The following XKR6 variants were observed in gnomAD, a reference collection of about 807,000 sequenced individuals.
The protein encoded by XKR6 is XK related 6, also known as XK-related protein 6.
In XKR6, 22 loss-of-function variants were observed where a neutral mutation model predicts 56.7. That is an observed-to-expected ratio of 0.39 (90% CI 0.28 to 0.55). The LOEUF (loss-of-function observed/expected upper bound fraction) is 0.55, where lower values mean the gene tolerates loss of function less well. XKR6 is among the 20% of genes least tolerant of loss of function. XKR6 has a pLI of 0.66. For synonymous variants in XKR6, 524 were observed against 387.8 expected (o/e 1.35, Z -4.13); for missense variants, 852 against 889.0 (o/e 0.96, Z 0.53).
chr8:11,015,249 T>A (rs1798592525), intron 1 of XKR6, among the ~76,000 whole-genome samples: 1 of 152,132 alleles, frequency 6.6e-6, no homozygotes, highest in Non-Finnish European at 1.5e-5. Flanking sequence ...TTCAACTTCC[T>A]TAGCATTGCT....
At chr8:11,187,193 A>C (rs1803318539) in intron 1 of XKR6, among the ~76,000 whole-genome samples, 2 of 152,230 alleles carry the variant, frequency 1.3e-5, no homozygotes, top group Admixed American at 1.3e-4. Context: ...CTGCATCAAG[A>C]AATTATAGCA....
rs372000140 is a variant in XKR6 at position 11,043,781 on chromosome 8, C to T, written c.765-118951G>A. Among the ~76,000 whole-genome samples the T allele has an allele frequency of 7.4e-4, 113 of 152,348 alleles. 1 individual carries two copies. The South Asian group carries it at 9.7e-3, about 13-fold the overall frequency. ...GGATGCACCTCATTATACATACTCCCGTTTTCATTTAAACACTAGAAACAA... is the reference window on the plus strand; with the variant it reads ...GGATGCACCTCATTATACATACTCCTGTTTTCATTTAAACACTAGAAACAA... On this transcript the variant is annotated intron_variant, in intron 1 of 2. Transcript: ENST00000416569.
chr8:11,114,231 T>C, intron 1 of XKR6: 1 of 277,278 alleles, frequency 3.6e-6, no homozygotes, highest in Non-Finnish European at 7.1e-6. Flanking sequence ...AGAATCACAA[T>C]CCTATTTTGA....
chr8:11,058,154 G>C (rs1799733485), intron 1 of XKR6, among the ~76,000 whole-genome samples: 1 of 152,222 alleles, frequency 6.6e-6, no homozygotes, highest in Non-Finnish European at 1.5e-5. Flanking sequence ...GTGGGAGGCG[G>C]TGGTATCTTT....
chr8:11,060,050 C>T (rs11781155), intron 1 of XKR6, among the ~76,000 whole-genome samples: 92,980 of 151,910 alleles, frequency 0.61, 30,368 homozygotes, highest in African/African-American at 0.82. Flanking sequence ...TAATTCCATT[C>T]TTTTAAAGCA....
intron 1 of XKR6, among the ~76,000 whole-genome samples, chr8:11,006,886 C>T (rs1398263912): frequency 6.6e-6 from 1 of 152,200 alleles, no homozygotes; most frequent in African/African-American, 2.4e-5. Context: ...CTAGCTGCAA[C>T]ACAGAGTGTA....
rs527282281 is a variant in XKR6, at chr8:11,014,573, C to T, written c.765-89743G>A. 3.3e-5 allele frequency among the ~76,000 whole-genome samples: 5 copies of T among 152,168 alleles called. No homozygotes were observed. The East Asian group carries it at 7.7e-4, about 23-fold the overall frequency. On this transcript the variant is annotated intron_variant, in intron 1 of 2. Coordinates refer to ENST00000416569, the MANE Select transcript of XKR6 (RefSeq NM_173683.4). The stretch of plus-strand genomic sequence containing the variant: ...TCCCCCAACAGCTTTTCAGCAGCAC[C>T]TTCCCAGGTTTAGTCTCAGCTCAAA...
At chr8:10,973,702 T>C (rs1802471865) in intron 1 of XKR6, among the ~76,000 whole-genome samples, 1 of 152,128 alleles carries the variant, frequency 6.6e-6, no homozygotes, top group African/African-American at 2.4e-5. Context: ...CACCTCAGTC[T>C]CCCAAGTAGC....
chr8:11,133,661 G>T (rs1317606895), intron 1 of XKR6, among the ~76,000 whole-genome samples: 1 of 152,096 alleles, frequency 6.6e-6, no homozygotes, highest in Non-Finnish European at 1.5e-5. Flanking sequence ...TGCTGGCAGG[G>T]CTATACCTCC....
intron 1 of XKR6, among the ~76,000 whole-genome samples, chr8:11,086,375 G>A (rs925417961): frequency 2.0e-5 from 3 of 152,036 alleles, no homozygotes; most frequent in East Asian, 1.9e-4. Context: ...GGATGTGCCC[G>A]GCACACAGTG....
chr8:11,140,353 A>T (rs1030026280), intron 1 of XKR6, among the ~76,000 whole-genome samples: 1 of 152,232 alleles, frequency 6.6e-6, no homozygotes, highest in African/African-American at 2.4e-5. Context: ...AAGCCTATCA[A>T]CCACAAATGG....
At chr8:11,192,642 T>C (rs1158536305) in intron 1 of XKR6, among the ~76,000 whole-genome samples, 1 of 152,074 alleles carries the variant, frequency 6.6e-6, no homozygotes, top group Non-Finnish European at 1.5e-5. Context: ...TGAAGCCAAG[T>C]GAATGGTAAC....
At chr8:11,146,759 G>A (rs1801006592) in intron 1 of XKR6, among the ~76,000 whole-genome samples, 1 of 151,942 alleles carries the variant, frequency 6.6e-6, no homozygotes, top group Admixed American at 6.6e-5. Context: ...AAGAAAGTGT[G>A]GTAAACACAC....
At chr8:10,977,007 G>A (rs1802587831) in intron 1 of XKR6, among the ~76,000 whole-genome samples, 2 of 152,140 alleles carry the variant, frequency 1.3e-5, no homozygotes, top group African/African-American at 4.8e-5. Flanking sequence ...ACCGAGGCCA[G>A]GACCAGAAAA....
intron 1 of XKR6, among the ~76,000 whole-genome samples, chr8:10,986,838 C>G (rs1441225736): frequency 1.3e-5 from 2 of 151,474 alleles, no homozygotes; most frequent in Admixed American, 6.6e-5. Flanking sequence ...GGCTGGAGTG[C>G]AAACATAGCT....
intron 1 of XKR6, among the ~76,000 whole-genome samples, chr8:11,021,099 A>G (rs1339871851): frequency 6.6e-6 from 1 of 152,108 alleles, no homozygotes; most frequent in African/African-American, 2.4e-5. Context: ...TAGTCTCCTC[A>G]GATTTTAAAC....
chr8:11,135,588 TA>T (rs1165981042), intron 1 of XKR6, among the ~76,000 whole-genome samples: 4 of 152,288 alleles, frequency 2.6e-5, no homozygotes, highest in Non-Finnish European at 4.4e-5. Flanking sequence ...TATCAGATAT[TA>T]AACTATATTC....
intron 1 of XKR6, among the ~76,000 whole-genome samples, chr8:11,191,986 G>T (rs1803604599): frequency 6.6e-6 from 1 of 152,086 alleles, no homozygotes; most frequent in African/African-American, 2.4e-5. Flanking sequence ...GCAACATCAG[G>T]ATAGGATATG....
At chr8:11,027,276 C>T (rs1053782405) in intron 1 of XKR6, among the ~76,000 whole-genome samples, 23 of 152,170 alleles carry the variant, frequency 1.5e-4, no homozygotes, top group Non-Finnish European at 2.2e-4. Context: ...TGCAGTCCAC[C>T]ATTGACTGAA....
Sources: gnomAD v4.1 joint callset for allele counts (sites outside exome capture counted in the v4.1 genomes callset) on GRCh38, gnomAD v4.1.1 for gene constraint, MANE v1.5 for transcripts, NCBI Gene and HGNC (gene_info 2026-07-23, HGNC 2026-07-21) for gene names.